The following HSPA4 variants were observed in gnomAD, a reference collection of about 807,000 sequenced individuals.
HSPA4 encodes the protein heat shock 70 kDa protein 4.
HSPA4 carries 25 observed loss-of-function variants against 106.2 expected under a neutral mutation model. The observed-to-expected ratio is 0.24, with a 90% CI of 0.17 to 0.33. HSPA4 has a LOEUF of 0.33. HSPA4 is among the 10% of genes least tolerant of loss of function. The pLI is 1.00. For synonymous variants in HSPA4, 332 were observed against 333.6 expected (o/e 1.00, Z 0.05); for missense variants, 841 against 996.0 (o/e 0.84, Z 2.10).
intron 1 of HSPA4, among the ~76,000 whole-genome samples, chr5:133,060,630 G>A (rs1241265649): frequency 1.3e-5 from 2 of 152,050 alleles, no homozygotes; most frequent in Non-Finnish European, 2.9e-5. Flanking sequence ...TCAAAGTGTT[G>A]GGATTACAGG....
In HSPA4 at chr5:133,076,602, G is replaced by T. The variant is rs141758045; in HGVS notation, c.664-52G>T. ...CTTACCAGGTAAATATATATCATCT[G>T]TTTCAAAATCGATTGGTTAATTGTT... is the stretch of plus-strand genomic sequence containing the variant. On this transcript the variant is annotated intron_variant, in intron 6 of 18. Coordinates refer to ENST00000304858, the MANE Select transcript of HSPA4 (RefSeq NM_002154.4). 1.2e-4 allele frequency: 181 copies of T among 1,535,496 alleles called. No homozygotes were observed. The African/African-American group carries it at 2.0e-3, about 17-fold the overall frequency.
Position 133,065,126 on chromosome 5 carries a change from C to T in HSPA4, c.165+89C>T, listed in dbSNP as rs1466744483. 4.3e-5 allele frequency: 45 copies of T among 1,054,494 alleles called. No individual in the cohort carries two copies. In the East Asian group the frequency reaches 9.7e-4, roughly 23 times the overall value. The allele number at this position is 1,054,494 out of a possible 1,614,324, so 65.3% of individuals were successfully genotyped here. A position where few individuals can be genotyped will look rare whatever the true frequency, so the allele number is the denominator to read the frequency against. On this transcript the variant is annotated intron_variant, in intron 2 of 18. Coordinates refer to ENST00000304858, the MANE Select transcript of HSPA4 (RefSeq NM_002154.4). Reference sequence around the variant, plus strand: ...AGTTGAATGCCCATTATGTGCCTAACACTGGTAGGCCTTGGGAATACAACT... The same window carrying T: ...AGTTGAATGCCCATTATGTGCCTAATACTGGTAGGCCTTGGGAATACAACT...
chr5:133,058,938 G>C (rs1765201362), intron 1 of HSPA4, among the ~76,000 whole-genome samples: 1 of 151,990 alleles, frequency 6.6e-6, no homozygotes, highest in Non-Finnish European at 1.5e-5. Context: ...GACCAGCCTG[G>C]CCAGTATGCT....
intron 4 of HSPA4, 34 bp downstream of exon 4, chr5:133,070,530 G>T (rs1240561426): frequency 6.2e-7 from 1 of 1,608,388 alleles, no homozygotes; most frequent in Non-Finnish European, 8.5e-7. Context: ...TTGGGAATTT[G>T]CATGAAGAAG....
chr5:133,063,436 T>C (rs375507178), intron 1 of HSPA4, among the ~76,000 whole-genome samples: 7 of 152,204 alleles, frequency 4.6e-5, no homozygotes, highest in African/African-American at 1.7e-4. Flanking sequence ...CTCTTTTTTT[T>C]GTTTTGTTTT....
At chr5:133,089,022 G>C (rs1400901607) in intron 9 of HSPA4, 33 bp from the exon 10 acceptor site, 3 of 1,251,022 alleles carry the variant, frequency 2.4e-6, no homozygotes, top group Non-Finnish European at 3.4e-6. Context: ...GTCTATACTT[G>C]TTAAACGGAA....
intron 13 of HSPA4, 77 bp downstream of exon 13, chr5:133,092,866 G>T (rs1765666078): frequency 1.2e-6 from 1 of 852,432 alleles, no homozygotes; most frequent in Non-Finnish European, 1.8e-6. Context: ...TGTTGCCCAG[G>T]CTGGAGTGCA....
intron 13 of HSPA4, among the ~76,000 whole-genome samples, chr5:133,094,591 A>G (rs1765688292): frequency 6.6e-6 from 1 of 152,100 alleles, no homozygotes; most frequent in African/African-American, 2.4e-5. Flanking sequence ...GTTCTCCTAT[A>G]TGTTTGTGGA....
intron 3 of HSPA4, among the ~76,000 whole-genome samples, chr5:133,069,967 A>G (rs972621466): frequency 6.6e-6 from 1 of 151,906 alleles, no homozygotes; most frequent in Non-Finnish European, 1.5e-5. Flanking sequence ...GAGTTTTGAG[A>G]CCAGCATCGG....
intron 9 of HSPA4, among the ~76,000 whole-genome samples, chr5:133,088,853 A>C (rs1468090963): frequency 6.6e-6 from 1 of 152,186 alleles, no homozygotes; most frequent in African/African-American, 2.4e-5. Context: ...GTTGGGGTTA[A>C]TAGAAAAATA....
Position 133,096,234 on chromosome 5 carries a change from T to C in HSPA4, c.1787T>C (p.Leu596Ser). The C allele has an allele frequency of 6.2e-7, 1 of 1,613,350 alleles. No individual in the cohort carries two copies. Among genetic ancestry groups the C allele is most frequent in the East Asian group, 2.2e-5 (1 of 44,858 alleles). The change falls in exon 14 of 19, where the codon TTG (leucine) becomes TCG (serine). Residue 596 changes from leucine (L) to serine (S), a missense_variant. Coordinates refer to ENST00000304858, the MANE Select transcript of HSPA4 (RefSeq NM_002154.4). ...CAGATAGACAGAGAGATGCTCAACT[T>C]GTACATTGAAAATGAGGTTGTTATT... Reference protein sequence around the residue: ...LWQIDREMLNLYIENEGKMIM... With the variant: ...LWQIDREMLNSYIENEGKMIM...
intron 3 of HSPA4, 70 bp downstream of exon 3, chr5:133,067,627 G>T: frequency 7.9e-7 from 1 of 1,267,946 alleles, no homozygotes; most frequent in African/African-American, 1.5e-5. Context: ...ATATCTATCT[G>T]TACTTTTCTG....
In HSPA4 at chr5:133,104,602, A is replaced by G. The variant is rs1765832348; in HGVS notation, c.*166A>G. ...ATGTATGGAGCATTTTCACTTCTAA[A>G]TAGTTAGATACAGAAATTAAGTGCA... On this transcript the variant is annotated 3_prime_UTR_variant, in exon 19 of 19. Coordinates refer to ENST00000304858, the MANE Select transcript of HSPA4 (RefSeq NM_002154.4). 9.8e-6 allele frequency: 6 copies of G among 609,998 alleles called. No homozygotes were observed. The African/African-American group carries it at 1.1e-4, about 11-fold the overall frequency. The allele number at this position is 609,998 out of a possible 1,614,324, so 37.8% of individuals were successfully genotyped here.
intron 1 of HSPA4, among the ~76,000 whole-genome samples, chr5:133,060,164 G>C (rs1164613523): frequency 6.6e-6 from 1 of 151,400 alleles, no homozygotes; most frequent in Admixed American, 6.6e-5. Flanking sequence ...GAGGGTTGTG[G>C]AAGTATATAT....
At chr5:133,053,107 C>G (rs75112461) in intron 1 of HSPA4, 3,790 of 152,248 alleles carry the variant, frequency 0.025, 95 homozygotes, top group Non-Finnish European at 0.034. Context: ...GTGTTGGCCA[C>G]AATTGTTAGT....
intron 14 of HSPA4, among the ~76,000 whole-genome samples, 177 bp downstream of exon 14, chr5:133,096,427 A>T (rs372630296): frequency 1.3e-5 from 2 of 152,192 alleles, no homozygotes; most frequent in Non-Finnish European, 2.9e-5. Context: ...TGTTATGTCA[A>T]TTCTTTTATG....
chr5:133,073,562 AAGG>A (rs1383404118), intron 5 of HSPA4, among the ~76,000 whole-genome samples: 1 of 152,132 alleles, frequency 6.6e-6, no homozygotes, highest in Non-Finnish European at 1.5e-5. Context: ...CTTGTTGGGG[AAGG>A]AGAACACTTA....
intron 17 of HSPA4, among the ~76,000 whole-genome samples, chr5:133,102,996 C>G (rs115035509): frequency 0.04 from 5,836 of 146,302 alleles, 153 homozygotes; most frequent in Non-Finnish European, 0.057. Flanking sequence ...ATCCACCCAC[C>G]TCAACCTCCC....
chr5:133,100,498 G>A (rs1190037901), intron 16 of HSPA4, among the ~76,000 whole-genome samples: 1 of 151,926 alleles, frequency 6.6e-6, no homozygotes, highest in Non-Finnish European at 1.5e-5. Context: ...CCGGGTTCAC[G>A]CCATTCTCCT....
Sources: gnomAD v4.1 joint callset for allele counts (sites outside exome capture counted in the v4.1 genomes callset) on GRCh38, gnomAD v4.1.1 for gene constraint, MANE v1.5 for transcripts, NCBI Gene and HGNC (gene_info 2026-07-23, HGNC 2026-07-21) for gene names.